The following AFF3 variants were observed in gnomAD, a reference collection of about 807,000 sequenced individuals.
AFF3 encodes AF4/FMR2 family member 3.
Under a neutral mutation model 129.7 loss-of-function variants are expected in AFF3, and 32 were observed. The ratio of observed to expected loss-of-function variants is 0.25; its 90% CI spans 0.19 to 0.33. The LOEUF is 0.33. Among genes scored for constraint, AFF3 ranks in the 10% least tolerant of loss-of-function variants. The pLI is 1.00. For synonymous variants in AFF3, 644 were observed against 635.4 expected, an observed-to-expected ratio of 1.01 and a Z score of -0.20; for missense variants, 1,373 against 1,592.0, an observed-to-expected ratio of 0.86 and a Z score of 2.34.
chr2:99,586,558 G>A (rs554299730), intron 16 of AFF3, among the ~76,000 whole-genome samples: 4 of 152,284 alleles, frequency 2.6e-5, no homozygotes, highest in Admixed American at 6.5e-5. Flanking sequence ...GAGCTTCTAC[G>A]ACTGATGATA....
intron 13 of AFF3, among the ~76,000 whole-genome samples, chr2:99,616,103 G>A (rs1681398590): frequency 6.6e-6 from 1 of 152,166 alleles, no homozygotes; most frequent in Non-Finnish European, 1.5e-5. Flanking sequence ...CCTCAATCCT[G>A]GAAGAGAGAG....
intron 8 of AFF3, among the ~76,000 whole-genome samples, chr2:99,810,735 T>C (rs1022400693): frequency 1.3e-5 from 2 of 152,202 alleles, no homozygotes; most frequent in African/African-American, 2.4e-5. Flanking sequence ...ATCTTAGAGT[T>C]TGACCGCTAA....
At chr2:99,861,645 T>A (rs566020599) in intron 7 of AFF3, among the ~76,000 whole-genome samples, 18 of 152,278 alleles carry the variant, frequency 1.2e-4, no homozygotes, top group African/African-American at 4.1e-4. Context: ...TGTTTTCTTA[T>A]CTTGAAACGC....
chr2:99,547,752 A>C lies in AFF3; in HGVS notation c.*3722T>G, dbSNP rs1446052693. 4.8e-6 allele frequency: 1 copy of C among 208,208 alleles called. No individual in the cohort carries two copies. Among genetic ancestry groups the C allele is most frequent in the African/African-American group, 2.3e-5 (1 of 43,986 alleles). The allele number at this position is 208,208 out of a possible 1,614,324, so 12.9% of individuals were successfully genotyped here. A position where few individuals can be genotyped will look rare whatever the true frequency, so the allele number is the denominator to read the frequency against. ...CAGTTTTATGTTAGCTGTATTGTAC[A>C]TATATATTTTTAAATGTATGCATTT... On this transcript the variant is annotated 3_prime_UTR_variant, in exon 25 of 25. Transcript: ENST00000672756.
intron 7 of AFF3, among the ~76,000 whole-genome samples, chr2:99,986,434 T>C (rs1045719572): frequency 2.2e-4 from 34 of 152,000 alleles, no homozygotes; most frequent in African/African-American, 8.2e-4. Context: ...TTTAAATGAA[T>C]AAACTGGCCA....
chr2:99,937,428 C>T (rs1387913298), intron 7 of AFF3, among the ~76,000 whole-genome samples: 5 of 152,020 alleles, frequency 3.3e-5, no homozygotes, highest in Non-Finnish European at 7.4e-5. Context: ...AAGACGGAGT[C>T]TCGCTCTGTT....
chr2:99,683,709 G>T (rs982298449), intron 11 of AFF3, among the ~76,000 whole-genome samples: 1 of 152,138 alleles, frequency 6.6e-6, no homozygotes, highest in East Asian at 1.9e-4. Flanking sequence ...CCAAAGTGCT[G>T]GGATTATAGC....
At chr2:100,055,403 C>T (rs956563190) in intron 4 of AFF3, among the ~76,000 whole-genome samples, 1 of 151,128 alleles carries the variant, frequency 6.6e-6, no homozygotes, top group Non-Finnish European at 1.5e-5. Flanking sequence ...CCACTAGCAC[C>T]CTCCCTCCTG....
chr2:100,075,794 G>C (rs1188330520), intron 4 of AFF3, among the ~76,000 whole-genome samples: 3 of 152,138 alleles, frequency 2.0e-5, no homozygotes, highest in Non-Finnish European at 2.9e-5. Flanking sequence ...TTATATTTCA[G>C]TTGTTTGCAC....
intron 8 of AFF3, among the ~76,000 whole-genome samples, chr2:99,789,516 C>G (rs7604438): frequency 0.1 from 15,111 of 150,284 alleles, 2,378 homozygotes; most frequent in African/African-American, 0.34. Flanking sequence ...TTTCCAGACA[C>G]CCTAGAAATC....
chr2:99,842,811 G>A (rs1689419892), intron 7 of AFF3, among the ~76,000 whole-genome samples: 1 of 152,188 alleles, frequency 6.6e-6, no homozygotes, highest in Non-Finnish European at 1.5e-5. Context: ...ACAGAATATG[G>A]GGAGAAGCAG....
chr2:99,846,499 G>A (rs772543438), intron 7 of AFF3, among the ~76,000 whole-genome samples: 2 of 152,172 alleles, frequency 1.3e-5, no homozygotes, highest in Non-Finnish European at 2.9e-5. Flanking sequence ...GGGATGGCAG[G>A]AAATGTACAC....
chr2:99,559,129 C>T (rs1675232794), intron 21 of AFF3, among the ~76,000 whole-genome samples, 161 bp from the exon 22 acceptor site: 1 of 152,252 alleles, frequency 6.6e-6, no homozygotes, highest in Non-Finnish European at 1.5e-5. Context: ...GAGGGAACAT[C>T]TTTTGTCCAA....
intron 4 of AFF3, among the ~76,000 whole-genome samples, chr2:100,050,152 C>T (rs1453852184): frequency 2.0e-5 from 3 of 149,970 alleles, no homozygotes; most frequent in East Asian, 4.0e-4. Flanking sequence ...GAGCCGAGAT[C>T]ACACCACTGC....
intron 4 of AFF3, among the ~76,000 whole-genome samples, chr2:100,068,017 T>G (rs1687865422): frequency 6.6e-6 from 1 of 152,210 alleles, no homozygotes; most frequent in Non-Finnish European, 1.5e-5. Context: ...AAAAATATGT[T>G]TGCTTTTAAT....
chr2:99,938,356 G>A (rs1674715194), intron 7 of AFF3, among the ~76,000 whole-genome samples: 2 of 152,196 alleles, frequency 1.3e-5, no homozygotes, highest in African/African-American at 2.4e-5. Context: ...GTAAGAGTGT[G>A]TACCTGACAT....
intron 8 of AFF3, among the ~76,000 whole-genome samples, chr2:99,785,018 TGAGTGTTTGCATACAGCA>T (rs1374118438): frequency 1.3e-5 from 2 of 152,218 alleles, no homozygotes; most frequent in Admixed American, 6.5e-5. Flanking sequence ...TGCATGTTGC[TGAGTGTTTGCATACAGCA>T]GCGATGTTGC....
rs550942713 is a variant in AFF3 at position 99,815,011 on chromosome 2, G to A, written c.921+22466C>T. Among the ~76,000 whole-genome samples the A allele has an allele frequency of 5.9e-5, 9 of 151,904 alleles. No individual in the cohort carries two copies. In the South Asian group the frequency reaches 1.5e-3, roughly 25 times the overall value. Reference sequence around the variant, plus strand: ...ATTACAGGCGTGTACCATCCCCCCCGGCTGATTTTTGTATTAAAATGACAC... The same window carrying A: ...ATTACAGGCGTGTACCATCCCCCCCAGCTGATTTTTGTATTAAAATGACAC... On this transcript the variant is annotated intron_variant, in intron 8 of 24. Coordinates refer to ENST00000672756, the MANE Select transcript of AFF3 (RefSeq NM_001386135.1).
chr2:99,580,763 T>C, intron 17 of AFF3: 1 of 161,772 alleles, frequency 6.2e-6, no homozygotes, highest in Non-Finnish European at 1.4e-5. Flanking sequence ...CTGGGCGTGG[T>C]GGCCGGCGCC....
Sources: allele counts gnomAD v4.1 joint callset (sites outside exome capture counted in the v4.1 genomes callset), GRCh38; gene constraint gnomAD v4.1.1; transcripts MANE v1.5; gene names NCBI Gene and HGNC (gene_info 2026-07-23, HGNC 2026-07-21).